MTUS2: variants seen among roughly 807,000 people sequenced by gnomAD.
MTUS2 encodes the protein microtubule-associated tumor suppressor candidate 2.
Under a neutral mutation model 114.1 loss-of-function variants are expected in MTUS2, and 40 were observed. That is an observed-to-expected ratio of 0.35 (90% CI 0.27 to 0.46). The LOEUF is 0.46. Ranked by LOEUF, MTUS2 falls within the 20% of genes least tolerant of loss-of-function variation. MTUS2 has a pLI of 1.00. For missense variants in MTUS2, 1,679 were observed against 1,705.4 expected, an observed-to-expected ratio of 0.98 and a Z score of 0.27; for synonymous variants, 688 against 672.0, an observed-to-expected ratio of 1.02 and a Z score of -0.37.
intron 9 of MTUS2, among the ~76,000 whole-genome samples, chr13:29,450,193 C>A (rs1878589256): frequency 6.6e-6 from 1 of 152,002 alleles, no homozygotes; most frequent in South Asian, 2.1e-4. Context: ...ATCTCTTTGG[C>A]CAGAACTAAG....
chr13:29,467,505 A>G (rs544990497), intron 9 of MTUS2, among the ~76,000 whole-genome samples: 3 of 152,096 alleles, frequency 2.0e-5, no homozygotes, highest in Admixed American at 2.0e-4. Flanking sequence ...GGAGATCTGA[A>G]AACTCTGCAA....
chr13:29,144,425 G>A (rs1892348006), intron 5 of MTUS2, among the ~76,000 whole-genome samples: 1 of 151,444 alleles, frequency 6.6e-6, no homozygotes, highest in Non-Finnish European at 1.5e-5. Flanking sequence ...GTGCAGTGGT[G>A]CAGTCGTGGC....
intron 5 of MTUS2, among the ~76,000 whole-genome samples, chr13:29,271,198 G>T (rs368417509): frequency 1.3e-5 from 2 of 152,258 alleles, no homozygotes; most frequent in African/African-American, 4.8e-5. Flanking sequence ...GTTTCTGCCA[G>T]CATCCACCAT....
chr13:29,179,854 A>AT (rs1400415240), intron 5 of MTUS2, among the ~76,000 whole-genome samples: 1 of 152,142 alleles, frequency 6.6e-6, no homozygotes, highest in South Asian at 2.1e-4. Context: ...ATCTGAAGGA[A>AT]TTTTTTCCTT....
intron 5 of MTUS2, among the ~76,000 whole-genome samples, chr13:29,166,275 C>T (rs797002767): frequency 3.9e-5 from 6 of 152,244 alleles, no homozygotes; most frequent in African/African-American, 1.2e-4. Context: ...TTTACTGATC[C>T]GTAGACTTGA....
chr13:29,020,405 A>G lies in MTUS2; in HGVS notation c.-242-4052A>G, dbSNP rs1416769327. Reference sequence around the variant, plus strand: ...TGTTATATATTCTGTGAAAACGTTTATCTTAGTAGAAGGCCTTGGATTGAA... The same window carrying G: ...TGTTATATATTCTGTGAAAACGTTTGTCTTAGTAGAAGGCCTTGGATTGAA... On this transcript the variant is annotated intron_variant, in intron 2 of 15. Transcript: ENST00000612955. Among the ~76,000 whole-genome samples, 3 of 152,148 alleles carry G rather than the reference A, an allele frequency of 2.0e-5. No individual in the cohort carries two copies. In the East Asian group the frequency reaches 5.8e-4, roughly 29 times the overall value.
chr13:29,492,761 G>A lies in MTUS2; in HGVS notation c.3579+42G>A, dbSNP rs908867077. The stretch of plus-strand genomic sequence containing the variant: ...TTTTCTTACCTGGTATCGAGATAAT[G>A]GCAGCATCATTATTCCCACCCACAA... On this transcript the variant is annotated intron_variant, in intron 12 of 15. Coordinates refer to ENST00000612955, the MANE Select transcript of MTUS2 (RefSeq NM_001033602.4). 10 of 1,471,464 alleles carry A rather than the reference G, an allele frequency of 6.8e-6. No homozygotes were observed. In the African/African-American group the frequency reaches 1.4e-4, roughly 20 times the overall value. The allele number at this position is 1,471,464 out of a possible 1,614,324, so 91.2% of individuals were successfully genotyped here.
intron 4 of MTUS2, among the ~76,000 whole-genome samples, chr13:29,095,487 C>T (rs1243689939): frequency 6.7e-6 from 1 of 149,612 alleles, no homozygotes; most frequent in East Asian, 2.0e-4. Flanking sequence ...GATCTCTTTA[C>T]ATTTACCTTA....
intron 9 of MTUS2, among the ~76,000 whole-genome samples, chr13:29,474,956 C>T (rs371389387): frequency 6.6e-6 from 1 of 152,112 alleles, no homozygotes; most frequent in Non-Finnish European, 1.5e-5. Context: ...GATCTTGGCA[C>T]GTGATAAATA....
intron 2 of MTUS2, among the ~76,000 whole-genome samples, chr13:28,914,122 C>T (rs986625028): frequency 2.6e-5 from 4 of 151,966 alleles, no homozygotes; most frequent in South Asian, 4.1e-4. Flanking sequence ...CAGTTCCACT[C>T]TGATCTTGGT....
At chr13:29,189,261 G>A (rs1283145339) in intron 5 of MTUS2, among the ~76,000 whole-genome samples, 4 of 152,214 alleles carry the variant, frequency 2.6e-5, no homozygotes, top group Non-Finnish European at 5.9e-5. Context: ...ATTCACACTT[G>A]TGAACTTTTA....
At chr13:29,273,898 A>G (rs1308702126) in intron 5 of MTUS2, among the ~76,000 whole-genome samples, 1 of 152,096 alleles carries the variant, frequency 6.6e-6, no homozygotes, top group African/African-American at 2.4e-5. Context: ...TGGATATACC[A>G]TATTTAGTGT....
At chr13:29,467,367 T>C (rs890846430) in intron 9 of MTUS2, among the ~76,000 whole-genome samples, 2 of 152,198 alleles carry the variant, frequency 1.3e-5, no homozygotes, top group African/African-American at 4.8e-5. Flanking sequence ...AATGCCACTT[T>C]GCACAGGAAA....
chr13:29,200,948 A>G (rs998980555), intron 5 of MTUS2, among the ~76,000 whole-genome samples: 2 of 152,202 alleles, frequency 1.3e-5, no homozygotes, highest in African/African-American at 4.8e-5. Flanking sequence ...CAATTTTAGA[A>G]TAAATGTGAT....
At chr13:29,056,088 T>C (rs1888122446) in intron 4 of MTUS2, among the ~76,000 whole-genome samples, 1 of 152,130 alleles carries the variant, frequency 6.6e-6, no homozygotes, top group Non-Finnish European at 1.5e-5. Context: ...AATTTTTGTT[T>C]TTGTTGCAAT....
chr13:28,840,788 G>A (rs1323382532), intron 2 of MTUS2, among the ~76,000 whole-genome samples: 1 of 152,190 alleles, frequency 6.6e-6, no homozygotes, highest in East Asian at 1.9e-4. Context: ...ATAGAAACAA[G>A]AGTTTGAGGT....
At chr13:29,137,553 CTTCTTTCTTCTTTG>C (rs1566027240) in intron 5 of MTUS2, among the ~76,000 whole-genome samples, 3 of 152,070 alleles carry the variant, frequency 2.0e-5, no homozygotes, top group East Asian at 1.9e-4. Flanking sequence ...CTTCTTCTTT[CTTCTTTCTTCTTTG>C]TTCTTTCTTC....
intron 5 of MTUS2, among the ~76,000 whole-genome samples, chr13:29,158,358 C>CCCCCCCCCCTTTTTT: frequency 6.2e-5 from 2 of 32,048 alleles, no homozygotes; most frequent in Non-Finnish European, 1.0e-4. Context: ...GTCCACCCCG[C>CCCCCCCCCCTTTTTT]TTTTTTTTTT....
chr13:28,865,063 GTA>G lies in MTUS2; in HGVS notation c.-243+25217_-243+25218del, dbSNP rs1361691093. ...TGACTGCAAATGCATGTGTGTCTGT[GTA>G]TATGTGTGTGTGTCTATGTGTGTGT... On this transcript the variant is annotated intron_variant, in intron 2 of 15. Transcript: ENST00000612955. Among the ~76,000 whole-genome samples, 3 of 152,132 alleles carry G rather than the reference GTA, an allele frequency of 2.0e-5. No homozygotes were observed. In the East Asian group the frequency reaches 5.8e-4, roughly 29 times the overall value.
Sources: allele counts gnomAD v4.1 joint callset (sites outside exome capture counted in the v4.1 genomes callset), GRCh38; gene constraint gnomAD v4.1.1; transcripts MANE v1.5; gene names NCBI Gene and HGNC (gene_info 2026-07-23, HGNC 2026-07-21).